Variants in SGCD observed in about 807,000 individuals in gnomAD.
SGCD encodes the protein delta-sarcoglycan.
In SGCD, 18 loss-of-function variants were observed where a neutral mutation model predicts 36.6. The ratio of observed to expected loss-of-function variants is 0.49; its 90% CI spans 0.34 to 0.73. SGCD has a LOEUF of 0.73. Among genes scored for constraint, SGCD ranks in the 30% least tolerant of loss-of-function variants. The pLI, the probability that SGCD is intolerant of heterozygous loss-of-function variation, is 0.01. For missense variants in SGCD, 387 were observed against 346.7 expected, an observed-to-expected ratio of 1.12 and a Z score of -0.92; for synonymous variants, 133 against 130.6, an observed-to-expected ratio of 1.02 and a Z score of -0.12.
intron 3 of SGCD, among the ~76,000 whole-genome samples, chr5:156,192,457 C>A (rs1009981828): frequency 6.6e-6 from 1 of 151,810 alleles, no homozygotes; most frequent in Non-Finnish European, 1.5e-5. Context: ...ATGATAGATA[C>A]CAAAGGCTGG....
At chr5:156,452,028 A>G (rs779585548) in intron 3 of SGCD, among the ~76,000 whole-genome samples, 7 of 152,158 alleles carry the variant, frequency 4.6e-5, no homozygotes, top group Non-Finnish European at 5.9e-5. Context: ...TCCCTTGCCC[A>G]TGGTCACACA....
chr5:155,978,436 T>C (rs149128093), intron 1 of SGCD, among the ~76,000 whole-genome samples: 49 of 152,322 alleles, frequency 3.2e-4, no homozygotes, highest in African/African-American at 1.1e-3. Flanking sequence ...TGTGAAGGAA[T>C]GAAAACACAG....
intron 3 of SGCD, among the ~76,000 whole-genome samples, chr5:156,455,961 G>C (rs1179535621): frequency 6.6e-6 from 1 of 152,170 alleles, no homozygotes; most frequent in African/African-American, 2.4e-5. Flanking sequence ...GAGGACCATG[G>C]CCAGAAGCGA....
intron 6 of SGCD, among the ~76,000 whole-genome samples, chr5:156,602,523 T>C (rs1245086491): frequency 2.0e-5 from 3 of 152,210 alleles, no homozygotes; most frequent in Admixed American, 6.5e-5. Context: ...GTGGGCATTC[T>C]TGTCCTATTC....
chr5:155,824,842 C>A, the SGCD span, among the ~76,000 whole-genome samples: 1 of 152,126 alleles, frequency 6.6e-6, no homozygotes, highest in African/African-American at 2.4e-5. Flanking sequence ...ATTTTGTGAG[C>A]AACTGCCTAA....
chr5:156,573,644 A>G (rs984546476), intron 4 of SGCD, among the ~76,000 whole-genome samples: 1 of 152,128 alleles, frequency 6.6e-6, no homozygotes, highest in Non-Finnish European at 1.5e-5. Context: ...GAATCATACC[A>G]GAGAGTCAGC....
chr5:156,205,889 C>T (rs1764262406), intron 3 of SGCD, among the ~76,000 whole-genome samples: 1 of 151,592 alleles, frequency 6.6e-6, no homozygotes, highest in Non-Finnish European at 1.5e-5. Context: ...ACTGCTTAAG[C>T]ATCCCTAGAC....
intron 7 of SGCD, among the ~76,000 whole-genome samples, chr5:156,738,262 G>T (rs1271911142): frequency 6.6e-6 from 1 of 152,176 alleles, no homozygotes; most frequent in Admixed American, 6.5e-5. Flanking sequence ...TGTAAAGAAT[G>T]TAATAGTTTG....
intron 3 of SGCD, among the ~76,000 whole-genome samples, chr5:156,441,773 C>T (rs1753501804): frequency 6.6e-6 from 1 of 152,116 alleles, no homozygotes; most frequent in East Asian, 1.9e-4. Flanking sequence ...AGGCCATTTC[C>T]TTACTTTAGC....
At chr5:156,212,412 T>C (rs141875580) in intron 3 of SGCD, among the ~76,000 whole-genome samples, 17 of 152,306 alleles carry the variant, frequency 1.1e-4, no homozygotes, top group African/African-American at 1.7e-4. Context: ...AAGGTCATTA[T>C]ATAGTGATAA....
chr5:155,845,010 A>G, the SGCD span, among the ~76,000 whole-genome samples: 1 of 152,066 alleles, frequency 6.6e-6, no homozygotes, highest in African/African-American at 2.4e-5. Context: ...TATTTCTCCT[A>G]ATGCTATTCC....
intron 3 of SGCD, among the ~76,000 whole-genome samples, chr5:156,360,747 G>A (rs1435701499): frequency 2.0e-5 from 3 of 152,036 alleles, no homozygotes; most frequent in Non-Finnish European, 4.4e-5. Context: ...GACTTTGGGG[G>A]AAGACGACTC....
At chr5:156,607,411 G>T (rs1404171586) in intron 6 of SGCD, among the ~76,000 whole-genome samples, 1 of 152,162 alleles carries the variant, frequency 6.6e-6, no homozygotes, top group Non-Finnish European at 1.5e-5. Flanking sequence ...TGATCATGGT[G>T]GATAAGCTTT....
intron 3 of SGCD, among the ~76,000 whole-genome samples, chr5:156,214,134 G>A (rs1764517297): frequency 6.6e-6 from 1 of 151,814 alleles, no homozygotes. Flanking sequence ...TAAATAAAAG[G>A]CATCCAAATT....
intron 1 of SGCD, among the ~76,000 whole-genome samples, chr5:156,020,022 G>C (rs1759065807): frequency 6.6e-6 from 1 of 152,082 alleles, no homozygotes; most frequent in Non-Finnish European, 1.5e-5. Context: ...CCAAGCCCTT[G>C]CTTCCTCTGC....
chr5:156,095,572 G>A (rs1027865475), intron 1 of SGCD, among the ~76,000 whole-genome samples: 6 of 152,132 alleles, frequency 3.9e-5, no homozygotes, highest in African/African-American at 1.4e-4. Context: ...GTTATGAGAG[G>A]TACTTTGGGA....
At chr5:155,854,911 G>T in the SGCD span, among the ~76,000 whole-genome samples, 1 of 152,154 alleles carries the variant, frequency 6.6e-6, no homozygotes, top group East Asian at 1.9e-4. Context: ...ATTTTATAGA[G>T]AGAGAATAAA....
intron 7 of SGCD, among the ~76,000 whole-genome samples, chr5:156,695,535 AGATAGAT>A (rs1754287315): frequency 7.5e-6 from 1 of 132,668 alleles, no homozygotes; most frequent in Non-Finnish European, 1.6e-5. Flanking sequence ...ATAGATAGAT[AGATAGAT>A]AGATAGATAG....
intron 7 of SGCD, among the ~76,000 whole-genome samples, chr5:156,648,424 T>C (rs963746743): frequency 3.3e-5 from 5 of 152,164 alleles, no homozygotes; most frequent in African/African-American, 1.2e-4. Flanking sequence ...TGAAGATCTA[T>C]GCTTTGCTTA....
Sources: gnomAD v4.1 joint callset for allele counts (sites outside exome capture counted in the v4.1 genomes callset) on GRCh38, gnomAD v4.1.1 for gene constraint, MANE v1.5 for transcripts, NCBI Gene and HGNC (gene_info 2026-07-23, HGNC 2026-07-21) for gene names.